Variants in PRKG1 observed in about 807,000 individuals in gnomAD.
PRKG1 encodes the protein cGMP-dependent protein kinase 1.
PRKG1 carries 35 observed loss-of-function variants against 88.1 expected under a neutral mutation model. That is an observed-to-expected ratio of 0.40 (90% confidence interval 0.30 to 0.53). The LOEUF is 0.53. Among genes scored for constraint, PRKG1 ranks in the 20% least tolerant of loss-of-function variants. The probability of loss-of-function intolerance (pLI) is 0.59; values close to 1 mark genes in which losing one functional copy is unlikely to be tolerated. For missense variants in PRKG1, 540 were observed against 839.8 expected (o/e 0.64, Z 4.41); for synonymous variants, 303 against 292.5 (o/e 1.04, Z -0.37).
At chr10:51,380,471 C>T (rs1340947754) in intron 2 of PRKG1, among the ~76,000 whole-genome samples, 2 of 152,052 alleles carry the variant, frequency 1.3e-5, no homozygotes, top group East Asian at 3.9e-4. Context: ...TAGAAAGGTG[C>T]CTTTCACATA....
At chr10:51,140,516 T>G (rs1384404057) in intron 1 of PRKG1, among the ~76,000 whole-genome samples, 1 of 152,220 alleles carries the variant, frequency 6.6e-6, no homozygotes, top group Non-Finnish European at 1.5e-5. Context: ...AGTTAAATGT[T>G]GCATAACCAT....
chr10:51,920,174 T>A (rs907049646), intron 5 of PRKG1, among the ~76,000 whole-genome samples: 1 of 152,118 alleles, frequency 6.6e-6, no homozygotes, highest in Admixed American at 6.6e-5. Flanking sequence ...AAAGAAGGTG[T>A]GGGAAGCTAA....
chr10:51,698,688 G>T lies in PRKG1; in HGVS notation c.593-105897G>T, dbSNP rs573408912. 2.2e-5 allele frequency: 36 copies of T among 1,614,218 alleles called. No homozygotes were observed. The African/African-American group carries it at 2.9e-4, about 13-fold the overall frequency. ...CCAACCCCTGGCATTCCAAGTTGGG[G>T]CTGCATTGCTCCTCCAGGAGTTAAG... On this transcript the variant is annotated intron_variant, in intron 3 of 17. Coordinates refer to ENST00000373980, the MANE Select transcript of PRKG1 (RefSeq NM_006258.4).
chr10:52,035,757 A>G (rs1209385356), intron 5 of PRKG1, among the ~76,000 whole-genome samples: 1 of 152,126 alleles, frequency 6.6e-6, no homozygotes, highest in African/African-American at 2.4e-5. Flanking sequence ...GGAAGAAAAT[A>G]GATTTTGGAA....
chr10:51,839,449 G>A (rs1161095114), intron 4 of PRKG1, among the ~76,000 whole-genome samples: 1 of 152,122 alleles, frequency 6.6e-6, no homozygotes, highest in Non-Finnish European at 1.5e-5. Context: ...CAATTTCAAA[G>A]CTTGTATTTA....
At chr10:52,110,279 C>T (rs867881373) in intron 7 of PRKG1, among the ~76,000 whole-genome samples, 1 of 150,746 alleles carries the variant, frequency 6.6e-6, no homozygotes, top group Non-Finnish European at 1.5e-5. Flanking sequence ...TTGCAGTGAG[C>T]GGAGATCGCG....
At chr10:51,896,220 G>C (rs1841843034) in intron 4 of PRKG1, among the ~76,000 whole-genome samples, 1 of 152,144 alleles carries the variant, frequency 6.6e-6, no homozygotes, top group African/African-American at 2.4e-5. Context: ...CTAGAAATTT[G>C]TTTTGATTAC....
chr10:51,666,300 G>A (rs748975078), intron 3 of PRKG1, among the ~76,000 whole-genome samples: 21 of 152,154 alleles, frequency 1.4e-4, no homozygotes, highest in Non-Finnish European at 2.9e-4. Context: ...CCACAAGCCC[G>A]ACACTAAGTT....
At chr10:51,420,593 A>G (rs1564487359) in intron 2 of PRKG1, among the ~76,000 whole-genome samples, 1 of 152,158 alleles carries the variant, frequency 6.6e-6, no homozygotes, top group South Asian at 2.1e-4. Context: ...TCAAAGGTGA[A>G]CCACAGATAC....
intron 1 of PRKG1, among the ~76,000 whole-genome samples, chr10:51,063,664 A>C (rs1309221949): frequency 1.3e-5 from 2 of 152,204 alleles, no homozygotes. Flanking sequence ...GGTTATTACA[A>C]GTAACTATAA....
chr10:51,380,668 T>C (rs1258504187), intron 2 of PRKG1, among the ~76,000 whole-genome samples: 1 of 152,010 alleles, frequency 6.6e-6, no homozygotes, highest in Non-Finnish European at 1.5e-5. Context: ...AGCCAGCTTG[T>C]GGATGTAACA....
intron 5 of PRKG1, among the ~76,000 whole-genome samples, chr10:51,978,430 C>T (rs1202258041): frequency 1.0e-4 from 12 of 119,878 alleles, no homozygotes; most frequent in Admixed American, 8.2e-4. Context: ...CTTGGCCATT[C>T]GGGCTCTTTT....
At chr10:51,733,761 T>C (rs1837182857) in intron 3 of PRKG1, among the ~76,000 whole-genome samples, 1 of 152,176 alleles carries the variant, frequency 6.6e-6, no homozygotes. Context: ...CTGCCAACAG[T>C]CATGATGCTA....
At chr10:51,545,137 A>G (rs1486350377) in intron 3 of PRKG1, among the ~76,000 whole-genome samples, 1 of 152,102 alleles carries the variant, frequency 6.6e-6, no homozygotes, top group Non-Finnish European at 1.5e-5. Context: ...GGGTCATAAT[A>G]CACTTAATAT....
At chr10:51,291,693 G>A (rs981119150) in intron 2 of PRKG1, among the ~76,000 whole-genome samples, 2 of 152,138 alleles carry the variant, frequency 1.3e-5, no homozygotes, top group African/African-American at 4.8e-5. Context: ...GTAAAAAGAG[G>A]TGAATGGATG....
chr10:52,240,245 A>G (rs572825169), intron 9 of PRKG1, among the ~76,000 whole-genome samples: 1 of 152,306 alleles, frequency 6.6e-6, no homozygotes, highest in East Asian at 1.9e-4. Flanking sequence ...GCTGTGATGA[A>G]AATGGCACTT....
At chr10:51,116,225 G>C (rs1031404031) in intron 1 of PRKG1, among the ~76,000 whole-genome samples, 1 of 152,184 alleles carries the variant, frequency 6.6e-6, no homozygotes, top group African/African-American at 2.4e-5. Flanking sequence ...ATCCACGGTA[G>C]ACTGGCGGAA....
intron 14 of PRKG1, among the ~76,000 whole-genome samples, chr10:52,287,874 T>C (rs1263618987): frequency 6.6e-6 from 1 of 152,024 alleles, no homozygotes; most frequent in Non-Finnish European, 1.5e-5. Flanking sequence ...AAATATTTAT[T>C]GCCTCCTTAG....
At chr10:51,173,883 T>A (rs748347411) in intron 2 of PRKG1, among the ~76,000 whole-genome samples, 1 of 151,870 alleles carries the variant, frequency 6.6e-6, no homozygotes, top group African/African-American at 2.4e-5. Flanking sequence ...TGAGAGTGTT[T>A]TTCCTTATGC....
Sources: gnomAD v4.1 joint callset for allele counts (sites outside exome capture counted in the v4.1 genomes callset) on GRCh38, gnomAD v4.1.1 for gene constraint, MANE v1.5 for transcripts, NCBI Gene and HGNC (gene_info 2026-07-23, HGNC 2026-07-21) for gene names.